GIGYF2: variants seen among roughly 807,000 people sequenced by gnomAD.
The protein encoded by GIGYF2 is GRB10-interacting GYF protein 2.
A neutral mutation model predicts 208.1 loss-of-function variants in GIGYF2; 25 were observed. The ratio of observed to expected loss-of-function variants is 0.12; its 90% CI spans 0.09 to 0.17. The LOEUF is 0.17. Among genes scored for constraint, GIGYF2 ranks in the 10% least tolerant of loss-of-function variants. The pLI is 1.00. For synonymous variants in GIGYF2, 534 were observed against 543.8 expected, an observed-to-expected ratio of 0.98 and a Z score of 0.25; for missense variants, 1,302 against 1,579.4, an observed-to-expected ratio of 0.82 and a Z score of 2.98.
At position 232,857,118 on chromosome 2, in the gene GIGYF2, C is replaced by G; in HGVS notation, c.*258C>G. 3.6e-6 allele frequency: 2 copies of G among 553,038 alleles called. No individual in the cohort carries two copies. The highest frequency in any genetic ancestry group is 4.1e-5 in the South Asian group (2 of 49,050). The allele number at this position is 553,038 out of a possible 1,614,324, so 34.3% of individuals were successfully genotyped here. A position where few individuals can be genotyped will look rare whatever the true frequency, so the allele number is the denominator to read the frequency against. ...CAGTTGGGATTACTCCCCAACAAGG[C>G]TGATTTTAGGCAGCATGTGTTCACT... is the stretch of plus-strand genomic sequence containing the variant. On this transcript the variant is annotated 3_prime_UTR_variant, in exon 29 of 29. Coordinates refer to ENST00000373563, the MANE Select transcript of GIGYF2 (RefSeq NM_001103146.3).
rs779426459 is a variant in GIGYF2, at chr2:232,845,760, A to C, written c.3334A>C (p.Asn1112His). The change falls in exon 26 of 29, where the codon AAT (asparagine) becomes CAT (histidine). Residue 1112 changes from asparagine (N) to histidine (H), a missense_variant. By Grantham distance (68) the Asn-to-His change is moderately conservative (BLOSUM62 1). Coordinates refer to ENST00000373563, the MANE Select transcript of GIGYF2 (RefSeq NM_001103146.3). Reference protein sequence around the residue: ...SKSVGVSNRQNKKVEEEEKLL... With the variant: ...SKSVGVSNRQHKKVEEEEKLL... ...ATCTGTAGGTGTGTCTAACCGGCAG[A>C]ATAAGAAAGTAGAAGAAGAAGAAAA... The C allele has an allele frequency of 5.0e-6, 8 of 1,606,956 alleles. No homozygotes were observed. The East Asian group carries it at 1.8e-4, about 36-fold the overall frequency.
chr2:232,792,775 C>T (rs1200054202), intron 12 of GIGYF2, among the ~76,000 whole-genome samples: 5 of 152,186 alleles, frequency 3.3e-5, no homozygotes, highest in South Asian at 4.2e-4. Context: ...TAGGATATGC[C>T]CCAGAACTAC....
chr2:232,857,649 A>G lies in GIGYF2; in HGVS notation c.*789A>G, dbSNP rs1235150547. On this transcript the variant is annotated 3_prime_UTR_variant, in exon 29 of 29. Transcript: ENST00000373563. ...CTATTCTTAATTTTTCTTTCTTACAAAAACTGATTTTTCCCATAAATATTT... is the reference window on the plus strand; with the variant it reads ...CTATTCTTAATTTTTCTTTCTTACAGAAACTGATTTTTCCCATAAATATTT... The G allele has an allele frequency of 6.6e-6, 1 of 152,634 alleles. No individual in the cohort carries two copies. The highest frequency in any genetic ancestry group is 1.9e-4 in the East Asian group (1 of 5,196). The allele number at this position is 152,634 out of a possible 1,614,324, so 9.5% of individuals were successfully genotyped here. A position where few individuals can be genotyped will look rare whatever the true frequency, so the allele number is the denominator to read the frequency against.
chr2:232,760,580 C>A lies in GIGYF2; in HGVS notation c.480C>A (p.Ser160Arg). The A allele has an allele frequency of 6.2e-7, 1 of 1,606,098 alleles. No homozygotes were observed. The highest frequency in any genetic ancestry group is 1.3e-5 in the African/African-American group (1 of 74,668). The change falls in exon 7 of 29, where the codon AGC (serine) becomes AGA (arginine). Residue 160 changes from serine (S) to arginine (R), a missense_variant. Ser to Arg is a moderately radical substitution (Grantham distance 110, BLOSUM62 -1). Coordinates refer to ENST00000373563, the MANE Select transcript of GIGYF2 (RefSeq NM_001103146.3). ...GCAGAGAAATGCATAGATCGCAGAG[C>A]TGGGAGGAAAGGTAACTGGATCCAC... is the stretch of plus-strand genomic sequence containing the variant. ...GGGREMHRSQ[S>R]WEERGDRRFE...
At chr2:232,847,323 T>C in intron 26 of GIGYF2, 25 bp from the exon 27 acceptor site, 1 of 1,607,394 alleles carries the variant, frequency 6.2e-7, no homozygotes. Flanking sequence ...TTGTTACCCT[T>C]ATCTTCTCCC....
chr2:232,717,768 G>T (rs1696756641), intron 2 of GIGYF2, among the ~76,000 whole-genome samples: 1 of 151,752 alleles, frequency 6.6e-6, no homozygotes, highest in Admixed American at 6.6e-5. Flanking sequence ...GGAGGGAGGT[G>T]TCAGGCTGTT....
At chr2:232,808,396 A>T (rs1056106649) in intron 15 of GIGYF2, among the ~76,000 whole-genome samples, 1 of 152,248 alleles carries the variant, frequency 6.6e-6, no homozygotes. Flanking sequence ...GCTGAGCCTC[A>T]GTCATACCTG....
At chr2:232,803,224 C>G (rs188560527) in intron 14 of GIGYF2, among the ~76,000 whole-genome samples, 3 of 152,346 alleles carry the variant, frequency 2.0e-5, no homozygotes, top group African/African-American at 7.2e-5. Flanking sequence ...ATTCTAGATA[C>G]TAGTCCTTTG....
At chr2:232,824,542 CGA>C (rs1471744121) in intron 21 of GIGYF2, among the ~76,000 whole-genome samples, 1 of 152,022 alleles carries the variant, frequency 6.6e-6, no homozygotes, top group Non-Finnish European at 1.5e-5. Context: ...CTGTGAAAGC[CGA>C]GAGAGGTGAT....
intron 8 of GIGYF2, among the ~76,000 whole-genome samples, chr2:232,763,487 TAAC>T (rs1470821845): frequency 6.6e-6 from 1 of 152,064 alleles, no homozygotes; most frequent in African/African-American, 2.4e-5. Context: ...TTAACAGTAA[TAAC>T]TAATAATAAA....
At chr2:232,703,590 T>C (rs1406827567) in intron 2 of GIGYF2, 101 bp downstream of exon 2, 1 of 152,610 alleles carries the variant, frequency 6.6e-6, no homozygotes, top group Non-Finnish European at 1.5e-5. Flanking sequence ...CTCCTGAGGT[T>C]TTGGGTAGTG....
intron 1 of GIGYF2, among the ~76,000 whole-genome samples, chr2:232,697,723 G>A (rs910038818): frequency 1.3e-5 from 2 of 152,238 alleles, no homozygotes; most frequent in Non-Finnish European, 2.9e-5. Context: ...GGAGGGTTGT[G>A]GGGTGGGCAG....
rs190533596 is a variant in GIGYF2, at chr2:232,856,911, C to G, written c.*51C>G. 6.5e-6 allele frequency: 8 copies of G among 1,223,708 alleles called. No individual in the cohort carries two copies. The highest frequency in any genetic ancestry group is 1.7e-5 in the Admixed American group (1 of 59,574). 75.8% of individuals were successfully genotyped at this position (1,223,708 alleles called of 1,614,324 possible). A position where few individuals can be genotyped will look rare whatever the true frequency, so the allele number is the denominator to read the frequency against. On this transcript the variant is annotated 3_prime_UTR_variant, in exon 29 of 29. Transcript: ENST00000373563. ...CTCTCCTGTCTGCCGACTATGGAGTCTCCACCTTTGGACACAACACTTACT... is the reference window on the plus strand; with the variant it reads ...CTCTCCTGTCTGCCGACTATGGAGTGTCCACCTTTGGACACAACACTTACT...
At chr2:232,711,780 A>G (rs907819191) in intron 2 of GIGYF2, among the ~76,000 whole-genome samples, 4 of 149,118 alleles carry the variant, frequency 2.7e-5, no homozygotes, top group African/African-American at 7.3e-5. Flanking sequence ...ATTCTTTGAT[A>G]TTACACTAAA....
intron 3 of GIGYF2, among the ~76,000 whole-genome samples, chr2:232,743,552 T>A (rs1698045246): frequency 6.6e-6 from 1 of 152,172 alleles, no homozygotes; most frequent in Non-Finnish European, 1.5e-5. Flanking sequence ...CGTGCTCCTC[T>A]CCCTCCTCCT....
At chr2:232,714,896 A>G (rs1414751733) in intron 2 of GIGYF2, among the ~76,000 whole-genome samples, 1 of 151,854 alleles carries the variant, frequency 6.6e-6, no homozygotes, top group Non-Finnish European at 1.5e-5. Flanking sequence ...ATTAGTACCC[A>G]TTAGTTATTT....
rs922301469 is a variant in GIGYF2 at position 232,729,996 on chromosome 2, C to G, written c.-43-5159C>G. 5.4e-6 allele frequency: 4 copies of G among 741,992 alleles called. No individual in the cohort carries two copies. In the Admixed American group the frequency reaches 5.7e-5, roughly 11 times the overall value. 46.0% of individuals were successfully genotyped at this position (741,992 alleles called of 1,614,324 possible). ...CAAAGCCTTCTTCACTCCTGGAAGG[C>G]TGGCCTTTTCTTTTTCGTAAGACTT... On this transcript the variant is annotated intron_variant, in intron 2 of 28. Coordinates refer to ENST00000373563, the MANE Select transcript of GIGYF2 (RefSeq NM_001103146.3).
At chr2:232,816,588 A>C (rs1179904954) in intron 19 of GIGYF2, among the ~76,000 whole-genome samples, 1 of 152,180 alleles carries the variant, frequency 6.6e-6, no homozygotes, top group African/African-American at 2.4e-5. Context: ...GACAGTCATA[A>C]AATTCTTCTA....
At chr2:232,732,177 C>A (rs1376612946) in intron 2 of GIGYF2, among the ~76,000 whole-genome samples, 1 of 152,146 alleles carries the variant, frequency 6.6e-6, no homozygotes, top group Non-Finnish European at 1.5e-5. Context: ...TCGTTTGATG[C>A]TTGTGAAGAT....
Sources: allele counts gnomAD v4.1 joint callset (sites outside exome capture counted in the v4.1 genomes callset), GRCh38; gene constraint gnomAD v4.1.1; transcripts MANE v1.5; gene names NCBI Gene and HGNC (gene_info 2026-07-23, HGNC 2026-07-21).